Variants in FNDC3B observed in about 807,000 individuals in gnomAD.
The protein encoded by FNDC3B is fibronectin type III domain-containing protein 3B.
In FNDC3B, 12 loss-of-function variants were observed where a neutral mutation model predicts 151.5. That is an observed-to-expected ratio of 0.08 (90% CI 0.05 to 0.13). The LOEUF is 0.13. Among genes scored for constraint, FNDC3B ranks in the 10% least tolerant of loss-of-function variants. The pLI, the probability that FNDC3B is intolerant of heterozygous loss-of-function variation, is 1.00. For synonymous variants in FNDC3B, 528 were observed against 549.0 expected (o/e 0.96, Z 0.54); for missense variants, 1,214 against 1,505.3 (o/e 0.81, Z 3.20).
intron 25 of FNDC3B, among the ~76,000 whole-genome samples, chr3:172,390,588 C>T (rs1735959424): frequency 6.6e-6 from 1 of 151,308 alleles, no homozygotes; most frequent in Admixed American, 6.6e-5. Context: ...AACTCCTAAC[C>T]TCAAGTGATC....
chr3:172,145,956 G>T (rs1721889742), intron 3 of FNDC3B, among the ~76,000 whole-genome samples: 1 of 151,916 alleles, frequency 6.6e-6, no homozygotes. Context: ...TGGGATTACA[G>T]GCATGCGCCA....
chr3:172,066,492 A>G (rs1422691245), intron 1 of FNDC3B, among the ~76,000 whole-genome samples: 1 of 151,806 alleles, frequency 6.6e-6, no homozygotes, highest in Non-Finnish European at 1.5e-5. Context: ...AAATGACTAC[A>G]ATTTCCTGTC....
At chr3:172,229,022 C>A (rs1032724608) in intron 4 of FNDC3B, among the ~76,000 whole-genome samples, 1 of 150,744 alleles carries the variant, frequency 6.6e-6, no homozygotes, top group Non-Finnish European at 1.5e-5. Context: ...TCTTAGTTGT[C>A]TTGTTATCAC....
At chr3:172,104,206 A>G (rs536059287) in intron 1 of FNDC3B, among the ~76,000 whole-genome samples, 1 of 152,274 alleles carries the variant, frequency 6.6e-6, no homozygotes, top group East Asian at 1.9e-4. Flanking sequence ...TTAGGTATGC[A>G]GGGTAAGCAA....
chr3:172,380,430 T>C lies in FNDC3B; in HGVS notation c.3176-536T>C, dbSNP rs1363151320. On this transcript the variant is annotated intron_variant, in intron 24 of 25. Transcript: ENST00000415807. Reference sequence around the variant, plus strand: ...AATGCTGCCCATTCCCCAGGACTGTTCTCACATGTCACCTGCTCCTCAAAC... The same window carrying C: ...AATGCTGCCCATTCCCCAGGACTGTCCTCACATGTCACCTGCTCCTCAAAC... 2.0e-5 allele frequency among the ~76,000 whole-genome samples: 3 copies of C among 152,142 alleles called. No homozygotes were observed. The East Asian group carries it at 5.8e-4, about 29-fold the overall frequency.
chr3:172,362,940 C>T, intron 23 of FNDC3B, 95 bp downstream of exon 23: 2 of 948,908 alleles, frequency 2.1e-6, no homozygotes, highest in South Asian at 1.6e-5. Flanking sequence ...GCACTAAGAC[C>T]CTCTTCCTTC....
chr3:172,092,538 T>C (rs1042227207), intron 1 of FNDC3B, among the ~76,000 whole-genome samples: 3 of 152,192 alleles, frequency 2.0e-5, no homozygotes, highest in African/African-American at 7.2e-5. Context: ...ATTTCAGGTA[T>C]GGGAGAAAGT....
chr3:172,199,254 T>A (rs1465000560), intron 3 of FNDC3B, among the ~76,000 whole-genome samples: 2 of 151,524 alleles, frequency 1.3e-5, no homozygotes, highest in Non-Finnish European at 2.9e-5. Context: ...ATCTCGGCTC[T>A]CTGCAGGCTC....
intron 1 of FNDC3B, among the ~76,000 whole-genome samples, chr3:172,099,226 C>A (rs761103579): frequency 1.8e-4 from 28 of 152,096 alleles, no homozygotes; most frequent in Non-Finnish European, 3.5e-4. Flanking sequence ...ATTTCAATGT[C>A]CTACTAATTC....
At chr3:172,314,909 T>A (rs1251830665) in intron 11 of FNDC3B, among the ~76,000 whole-genome samples, 1 of 152,242 alleles carries the variant, frequency 6.6e-6, no homozygotes, top group East Asian at 1.9e-4. Context: ...AAATTCACTG[T>A]CATTAATTTT....
intron 14 of FNDC3B, among the ~76,000 whole-genome samples, chr3:172,334,176 C>T (rs1459844876): frequency 6.6e-6 from 1 of 152,170 alleles, no homozygotes; most frequent in Non-Finnish European, 1.5e-5. Context: ...CAGTGTGTGA[C>T]TATTTGAGGG....
At chr3:172,298,035 A>G (rs1730729366) in intron 8 of FNDC3B, among the ~76,000 whole-genome samples, 2 of 152,192 alleles carry the variant, frequency 1.3e-5, no homozygotes, top group African/African-American at 4.8e-5. Flanking sequence ...TTTAGTTGTC[A>G]TGTCTCTTTA....
intron 6 of FNDC3B, among the ~76,000 whole-genome samples, chr3:172,280,214 C>T (rs540573487): frequency 2.6e-5 from 4 of 152,226 alleles, no homozygotes; most frequent in Admixed American, 6.5e-5. Flanking sequence ...CACATCCAGC[C>T]ATCAACACAC....
chr3:172,310,904 C>G, intron 11 of FNDC3B, 23 bp downstream of exon 11: 1 of 1,546,254 alleles, frequency 6.5e-7, no homozygotes, highest in Non-Finnish European at 8.9e-7. Context: ...TCATATTCAC[C>G]CATCTAAAAC....
intron 6 of FNDC3B, among the ~76,000 whole-genome samples, chr3:172,258,205 T>C (rs1728463149): frequency 6.6e-6 from 1 of 152,280 alleles, no homozygotes; most frequent in Middle Eastern, 3.4e-3. Flanking sequence ...ACCTTTGGAA[T>C]TGTTAACAAT....
chr3:172,127,416 C>T (rs1576889450), intron 2 of FNDC3B, among the ~76,000 whole-genome samples: 1 of 152,204 alleles, frequency 6.6e-6, no homozygotes, highest in Non-Finnish European at 1.5e-5. Flanking sequence ...TGGCTGGATT[C>T]CAGTCACTTT....
At chr3:172,145,002 C>CTT (rs1052349136) in intron 3 of FNDC3B, among the ~76,000 whole-genome samples, 15 of 146,160 alleles carry the variant, frequency 1.0e-4, no homozygotes, top group African/African-American at 3.7e-4. Context: ...CCCCCTACCA[C>CTT]TTTTTTTTTT....
intron 2 of FNDC3B, 115 bp downstream of exon 2, chr3:172,112,705 G>C: frequency 2.7e-6 from 2 of 748,982 alleles, no homozygotes; most frequent in South Asian, 3.0e-5. Context: ...AGCATTTCTA[G>C]AGGTAAGTGT....
intron 16 of FNDC3B, chr3:172,337,664 T>A: frequency 2.4e-6 from 1 of 419,266 alleles, no homozygotes; most frequent in South Asian, 2.9e-5. Context: ...GTTTATCTTT[T>A]GTTTTTGTTT....
Sources: gnomAD v4.1 joint callset for allele counts (sites outside exome capture counted in the v4.1 genomes callset) on GRCh38, gnomAD v4.1.1 for gene constraint, MANE v1.5 for transcripts, NCBI Gene and HGNC (gene_info 2026-07-23, HGNC 2026-07-21) for gene names.